The following ST7L variants were observed in gnomAD, a reference collection of about 807,000 sequenced individuals.
The protein encoded by ST7L is suppression of tumorigenicity 7 like, also known as suppressor of tumorigenicity 7 protein-like.
In ST7L, 57 loss-of-function variants were observed where a neutral mutation model predicts 72.5. That is an observed-to-expected ratio of 0.79 (90% CI 0.64 to 0.98). ST7L has a LOEUF of 0.98. Among genes scored for constraint, ST7L ranks in the 50% least tolerant of loss-of-function variants. The pLI, the probability that ST7L is intolerant of heterozygous loss-of-function variation, is 0.00. For missense variants in ST7L, 576 were observed against 672.2 expected (o/e 0.86, Z 1.58); for synonymous variants, 221 against 240.9 (o/e 0.92, Z 0.77).
At chr1:112,580,468 A>G (rs940286842) in intron 9 of ST7L, among the ~76,000 whole-genome samples, 3 of 152,144 alleles carry the variant, frequency 2.0e-5, no homozygotes, top group East Asian at 3.9e-4. Context: ...TGTGACTTAC[A>G]TGTGTTCTCG....
intron 10 of ST7L, 93 bp from the exon 11 acceptor site, chr1:112,577,181 G>C (rs28367001): frequency 5.8e-5 from 38 of 651,492 alleles, no homozygotes; most frequent in Middle Eastern, 8.2e-4. Context: ...TGAATCAAAA[G>C]AAGTTTCTGG....
intron 6 of ST7L, among the ~76,000 whole-genome samples, chr1:112,585,198 T>G (rs1019934046): frequency 6.6e-6 from 1 of 152,224 alleles, no homozygotes; most frequent in Non-Finnish European, 1.5e-5. Context: ...AACAAAATGT[T>G]GTTATTCCAT....
intron 14 of ST7L, chr1:112,527,482 C>T (rs1381976647): frequency 6.5e-6 from 1 of 152,764 alleles, no homozygotes; most frequent in African/African-American, 2.4e-5. Flanking sequence ...CCCCATGAGG[C>T]CACACACCAG....
intron 3 of ST7L, among the ~76,000 whole-genome samples, chr1:112,609,510 T>TAC (rs1465142802): frequency 7.2e-6 from 1 of 139,480 alleles, no homozygotes; most frequent in Non-Finnish European, 1.5e-5. Flanking sequence ...TAGCCTGGGC[T>TAC]ACAGAGACTT....
intron 6 of ST7L, among the ~76,000 whole-genome samples, chr1:112,589,595 A>G (rs989884197): frequency 1.6e-4 from 24 of 152,200 alleles, no homozygotes; most frequent in Non-Finnish European, 3.4e-4. Flanking sequence ...AATCTATATT[A>G]TCTGTCATGT....
intron 2 of ST7L, among the ~76,000 whole-genome samples, chr1:112,613,597 A>G (rs1669398550): frequency 6.6e-6 from 1 of 152,254 alleles, no homozygotes; most frequent in Admixed American, 6.5e-5. Context: ...AACCTTTGCT[A>G]ATAAAAACCC....
chr1:112,531,776 T>C (rs571381802), intron 14 of ST7L, among the ~76,000 whole-genome samples: 28 of 152,354 alleles, frequency 1.8e-4, no homozygotes, highest in Non-Finnish European at 2.6e-4. Context: ...ACCTGTTATA[T>C]GTTATAGGAC....
chr1:112,595,464 A>G (rs1351769342), intron 5 of ST7L, among the ~76,000 whole-genome samples: 2 of 150,934 alleles, frequency 1.3e-5, no homozygotes, highest in Non-Finnish European at 2.9e-5. Context: ...TTTGTCCCTC[A>G]GGCTGCAGTG....
At chr1:112,541,721 A>G in intron 14 of ST7L, 1 of 1,081,122 alleles carries the variant, frequency 9.2e-7, no homozygotes, top group Non-Finnish European at 1.2e-6. Flanking sequence ...TTATAATGTT[A>G]TATTGTTACA....
At chr1:112,568,865 T>TAAATAA (rs1205660972) in intron 11 of ST7L, among the ~76,000 whole-genome samples, 8,120 of 91,054 alleles carry the variant, frequency 0.089, 762 homozygotes, top group East Asian at 0.42. Flanking sequence ...AATATAAATA[T>TAAATAA]ATATATATAT....
chr1:112,591,453 A>C, intron 6 of ST7L, 72 bp downstream of exon 6: 1 of 1,306,420 alleles, frequency 7.7e-7, no homozygotes, highest in Non-Finnish European at 1.1e-6. Context: ...AGGAACAGAC[A>C]AAGGAGACAT....
chr1:112,519,584 C>T (rs1264204203), downstream of ST7L, among the ~76,000 whole-genome samples: 1 of 152,058 alleles, frequency 6.6e-6, no homozygotes, highest in Non-Finnish European at 1.5e-5. Flanking sequence ...AAAACATGAT[C>T]CCTATCCTAG....
At chr1:112,611,393 T>A (rs1466872540) in intron 2 of ST7L, among the ~76,000 whole-genome samples, 1 of 152,212 alleles carries the variant, frequency 6.6e-6, no homozygotes, top group Non-Finnish European at 1.5e-5. Context: ...AGCATGCCCA[T>A]GTTTTAACTC....
chr1:112,618,126 C>T, intron 1 of ST7L: 2 of 1,292,458 alleles, frequency 1.5e-6, no homozygotes, highest in Non-Finnish European at 2.0e-6. Flanking sequence ...GAGGTTGCTG[C>T]TCAGATCTTG....
At chr1:112,599,073 A>AAAAAAAAATATATATATAT (rs1190968815) in intron 4 of ST7L, among the ~76,000 whole-genome samples, 3 of 57,000 alleles carry the variant, frequency 5.3e-5, no homozygotes, top group African/African-American at 6.8e-5. Flanking sequence ...AAAAAAAAAA[A>AAAAAAAAATATATATATAT]ATATATATAT....
intron 4 of ST7L, 21 bp from the exon 5 acceptor site, chr1:112,598,107 A>G: frequency 6.4e-7 from 1 of 1,564,182 alleles, no homozygotes; most frequent in Non-Finnish European, 8.8e-7. Flanking sequence ...ACACAACAAA[A>G]TATTTAAATT....
intron 3 of ST7L, among the ~76,000 whole-genome samples, chr1:112,604,321 T>TA (rs1667867981): frequency 6.6e-6 from 1 of 151,836 alleles, no homozygotes; most frequent in African/African-American, 2.4e-5. Context: ...AATAAATAAA[T>TA]AAAAATACAA....
At chr1:112,598,891 C>G (rs1666901002) in intron 4 of ST7L, among the ~76,000 whole-genome samples, 1 of 149,830 alleles carries the variant, frequency 6.7e-6, no homozygotes. Context: ...AAAACCCTGT[C>G]TCTCCTAAAA....
chr1:112,562,502 C>T (rs1009353068), intron 11 of ST7L, among the ~76,000 whole-genome samples: 6 of 152,026 alleles, frequency 3.9e-5, no homozygotes, highest in South Asian at 2.1e-4. Context: ...AAGAGAAAGC[C>T]GTTATCTCTT....
Sources: gnomAD v4.1 joint callset for allele counts (sites outside exome capture counted in the v4.1 genomes callset) on GRCh38, gnomAD v4.1.1 for gene constraint, MANE v1.5 for transcripts, NCBI Gene and HGNC (gene_info 2026-07-23, HGNC 2026-07-21) for gene names.